The following EPHX1 variants were observed in gnomAD, a reference collection of about 807,000 sequenced individuals.
EPHX1 encodes the protein epoxide hydrolase 1.
EPHX1 carries 40 observed loss-of-function variants against 43.2 expected under a neutral mutation model. The ratio of observed to expected loss-of-function variants is 0.93; its 90% CI spans 0.72 to 1.21. The LOEUF (loss-of-function observed/expected upper bound fraction) is 1.21, where lower values mean the gene tolerates loss of function less well. Among genes scored for constraint, EPHX1 ranks in the 50% most tolerant of loss-of-function variants. The pLI is 0.00. For missense variants in EPHX1, 550 were observed against 570.4 expected (o/e 0.96, Z 0.36); for synonymous variants, 221 against 226.7 (o/e 0.98, Z 0.22).
At chr1:225,841,927 G>A (rs1438308494) in intron 6 of EPHX1, among the ~76,000 whole-genome samples, 1 of 152,114 alleles carries the variant, frequency 6.6e-6, no homozygotes, top group Non-Finnish European at 1.5e-5. Flanking sequence ...TTTAATGACT[G>A]TACAGTATTT....
At chr1:225,831,153 C>A (rs945890011) in intron 2 of EPHX1, among the ~76,000 whole-genome samples, 2 of 152,130 alleles carry the variant, frequency 1.3e-5, no homozygotes, top group African/African-American at 4.8e-5. Context: ...GCCTGCAAAG[C>A]CTAGAATATT....
intron 1 of EPHX1, among the ~76,000 whole-genome samples, chr1:225,828,286 A>G (rs1435463672): frequency 6.6e-6 from 1 of 151,528 alleles, no homozygotes; most frequent in African/African-American, 2.4e-5. Flanking sequence ...AAAGGTTGCA[A>G]TGAGCTGAGA....
At chr1:225,828,625 G>A (rs1667393181) in intron 1 of EPHX1, 100 bp from the exon 2 acceptor site, 2 of 1,109,162 alleles carry the variant, frequency 1.8e-6, no homozygotes, top group East Asian at 2.5e-5. Flanking sequence ...GGACAGGGTT[G>A]GAGCGCAGCA....
chr1:225,827,904 C>G (rs566671174), intron 1 of EPHX1, among the ~76,000 whole-genome samples: 2 of 57,886 alleles, frequency 3.5e-5, no homozygotes, highest in East Asian at 2.7e-3. Flanking sequence ...AGCACTTGGG[C>G]CTCCCCATTA....
chr1:225,818,698 G>A (rs1223690198), intron 1 of EPHX1, among the ~76,000 whole-genome samples: 3 of 152,082 alleles, frequency 2.0e-5, no homozygotes, highest in Non-Finnish European at 4.4e-5. Flanking sequence ...CTAGGGGAGT[G>A]GTGAGATCAC....
At chr1:225,831,274 C>T (rs1042680378) in intron 2 of EPHX1, among the ~76,000 whole-genome samples, 4 of 152,188 alleles carry the variant, frequency 2.6e-5, no homozygotes, top group African/African-American at 4.8e-5. Context: ...ATGAGCTGGG[C>T]GCAGTGGCTT....
intron 3 of EPHX1, among the ~76,000 whole-genome samples, chr1:225,834,178 G>A (rs375596796): frequency 4.0e-5 from 6 of 151,088 alleles, no homozygotes; most frequent in Non-Finnish European, 5.9e-5. Flanking sequence ...AGGCCGAGGC[G>A]GGTGGATCCC....
chr1:225,834,112 G>GA (rs59007136), intron 3 of EPHX1, among the ~76,000 whole-genome samples: 5,243 of 105,756 alleles, frequency 0.05, 752 homozygotes, highest in African/African-American at 0.079. Context: ...AAAAAAAAAA[G>GA]AAAAAAAAAA....
chr1:225,828,389 C>T (rs1267446844), intron 1 of EPHX1, among the ~76,000 whole-genome samples: 2 of 151,446 alleles, frequency 1.3e-5, no homozygotes, highest in African/African-American at 4.8e-5. Flanking sequence ...TCCCAAAACC[C>T]CCTACCCAGG....
chr1:225,813,682 C>G (rs1400327982), intron 1 of EPHX1, among the ~76,000 whole-genome samples: 1 of 152,238 alleles, frequency 6.6e-6, no homozygotes, highest in Non-Finnish European at 1.5e-5. Context: ...AGCCATTTGA[C>G]TGCCACAGCC....
chr1:225,844,378 T>C, intron 7 of EPHX1, 120 bp from the exon 8 acceptor site: 1 of 1,484,992 alleles, frequency 6.7e-7, no homozygotes, highest in Non-Finnish European at 9.4e-7. Flanking sequence ...ACACGTTGCA[T>C]GAGGTCTGAG....
chr1:225,839,956 C>T lies in EPHX1; in HGVS notation c.850C>T (p.Pro284Ser), dbSNP rs1559025238. 8.1e-6 allele frequency: 13 copies of T among 1,614,212 alleles called. No individual in the cohort carries two copies. Among genetic ancestry groups the T allele is most frequent in the Non-Finnish European group, 1.0e-5 (12 of 1,180,048 alleles). ...LTERDVELLY[P>S]VKEKVFYSLM... ...TGAGAGGGATGTGGAGCTGCTGTAC[C>T]CCGTCAAGGAGAAGGTATTCTACAG... The change falls in exon 6 of 9, where the codon CCC (proline) becomes TCC (serine). Residue 284 changes from proline to serine, a missense_variant. Physicochemically the swap from Pro to Ser is moderately conservative, Grantham distance 74. Coordinates refer to ENST00000272167, the MANE Select transcript of EPHX1 (RefSeq NM_001136018.4).
chr1:225,819,226 CAAA>C lies in EPHX1; in HGVS notation c.-6+9076_-6+9078del, dbSNP rs1302566204. Among the ~76,000 whole-genome samples, 2 of 4,496 alleles carry C rather than the reference CAAA, an allele frequency of 4.4e-4. 1 individual carries two copies. The highest frequency in any genetic ancestry group is 1.6e-3 in the African/African-American group (2 of 1,274). 2.9% of individuals were successfully genotyped at this position (4,496 alleles called of 152,430 possible). Reference sequence around the variant, plus strand: ...TGGGCGACAGAGCGAGACTCCGTCTCAAAAAAAAAAAAAAAAAAAAATACAAAA... The same window carrying C: ...TGGGCGACAGAGCGAGACTCCGTCTCAAAAAAAAAAAAAAAAAATACAAAA... On this transcript the variant is annotated intron_variant, in intron 1 of 8. Transcript: ENST00000272167.
In EPHX1 at chr1:225,842,356, T is replaced by TCCCCGCC. The variant is rs1668500795; in HGVS notation, c.932-9_932-3dup. 1 of 1,597,680 alleles carries TCCCCGCC rather than the reference T, an allele frequency of 6.3e-7. No homozygotes were observed. Among genetic ancestry groups the TCCCCGCC allele is most frequent in the Admixed American group, 1.7e-5 (1 of 60,004 alleles). ...CCTGAGTCTCTCCCTTGCTCCCCGC[T>TCCCCGCC]CCCCGCCAGGCTCTGCTCTGAATGA... On this transcript the variant is annotated splice_polypyrimidine_tract_variant and intron_variant, in intron 6 of 8. Transcript: ENST00000272167.
chr1:225,811,508 T>C (rs972326750), intron 1 of EPHX1, among the ~76,000 whole-genome samples: 1 of 152,180 alleles, frequency 6.6e-6, no homozygotes, highest in African/African-American at 2.4e-5. Flanking sequence ...TTTGCTGGGA[T>C]TGATGAGCTG....
intron 1 of EPHX1, among the ~76,000 whole-genome samples, chr1:225,825,129 T>C (rs74150522): frequency 1.3e-5 from 2 of 152,184 alleles, no homozygotes; most frequent in African/African-American, 4.8e-5. Context: ...GTGGGGGCCA[T>C]CATAATGCCC....
chr1:225,822,217 T>C (rs10799326), intron 1 of EPHX1, among the ~76,000 whole-genome samples: 22,487 of 152,160 alleles, frequency 0.15, 1,822 homozygotes, highest in East Asian at 0.27. Flanking sequence ...AAATGACCAC[T>C]ATCTTCCAGT....
intron 4 of EPHX1, 105 bp downstream of exon 4, chr1:225,838,986 G>A (rs1005004256): frequency 2.1e-5 from 30 of 1,434,428 alleles, no homozygotes; most frequent in Non-Finnish European, 2.4e-5. Context: ...GAGTTGGCCC[G>A]AGGAAGCTGG....
intron 2 of EPHX1, among the ~76,000 whole-genome samples, chr1:225,831,546 CAAAAAAA>C (rs75126131): frequency 7.6e-5 from 8 of 104,672 alleles, no homozygotes; most frequent in African/African-American, 1.1e-4. Flanking sequence ...GACCCTATCT[CAAAAAAA>C]AAAAAAGAAA....
Sources: allele counts gnomAD v4.1 joint callset (sites outside exome capture counted in the v4.1 genomes callset), GRCh38; gene constraint gnomAD v4.1.1; transcripts MANE v1.5; gene names NCBI Gene and HGNC (gene_info 2026-07-23, HGNC 2026-07-21).